SCTR: variants seen among roughly 807,000 people sequenced by gnomAD.
SCTR encodes pancreatic secretin receptor.
A neutral mutation model predicts 60.8 loss-of-function variants in SCTR; 56 were observed. That is an observed-to-expected ratio of 0.92 (90% CI 0.74 to 1.15). The LOEUF is 1.15. SCTR is among the 50% of genes most tolerant of loss of function. The pLI, the probability that SCTR is intolerant of heterozygous loss-of-function variation, is 0.00. For synonymous variants in SCTR, 202 were observed against 217.0 expected (o/e 0.93, Z 0.61); for missense variants, 562 against 550.4 (o/e 1.02, Z -0.21).
At chr2:119,489,058 A>G (rs1678011931) in intron 2 of SCTR, among the ~76,000 whole-genome samples, 1 of 152,162 alleles carries the variant, frequency 6.6e-6, no homozygotes, top group South Asian at 2.1e-4. Flanking sequence ...CTGGGTGCCC[A>G]GAGGGGAGCA....
rs1301862156 is a variant in SCTR at position 119,446,880 on chromosome 2, A to C, written c.1019T>G (p.Leu340Arg). The C allele has an allele frequency of 3.9e-6, 6 of 1,530,976 alleles. No homozygotes were observed. The African/African-American group carries it at 5.6e-5, about 14-fold the overall frequency. The allele number at this position is 1,530,976 out of a possible 1,614,324, so 94.8% of individuals were successfully genotyped here. ...RGNEVSHYKR[L>R]ARSTLLLIPL... ...GATCAGCAGGAGAGTGGACCTGGCC[A>C]GGCGCCTGGGGACACAGAAAGCCTG... Residue 340 changes from leucine (L) to arginine (R), a missense_variant, in exon 11 of 13, where the codon CTG becomes CGG. Transcript: ENST00000019103.
At chr2:119,514,390 A>G (rs1679048417) in intron 1 of SCTR, among the ~76,000 whole-genome samples, 2 of 152,242 alleles carry the variant, frequency 1.3e-5, no homozygotes, top group African/African-American at 4.8e-5. Context: ...CTTGGAGGCT[A>G]TGGAGCATCC....
intron 1 of SCTR, among the ~76,000 whole-genome samples, chr2:119,504,436 C>G (rs1183398500): frequency 1.3e-5 from 2 of 151,740 alleles, no homozygotes; most frequent in East Asian, 3.9e-4. Flanking sequence ...ACTAAAAACA[C>G]AAAAATTAGC....
At chr2:119,515,897 G>T (rs1003159452) in intron 1 of SCTR, among the ~76,000 whole-genome samples, 5 of 152,178 alleles carry the variant, frequency 3.3e-5, no homozygotes, top group African/African-American at 1.2e-4. Context: ...CTCAAAAACT[G>T]CATGGATGAC....
intron 11 of SCTR, among the ~76,000 whole-genome samples, chr2:119,442,753 C>T (rs551843520): frequency 1.3e-5 from 2 of 152,252 alleles, no homozygotes; most frequent in South Asian, 2.1e-4. Context: ...ATCCAGGTTG[C>T]ACTCCCCAGA....
intron 2 of SCTR, among the ~76,000 whole-genome samples, chr2:119,489,717 G>T (rs1027753233): frequency 3.3e-5 from 5 of 152,192 alleles, no homozygotes; most frequent in Admixed American, 2.6e-4. Context: ...ATGTGCAAAG[G>T]TTGGAGGCAG....
rs892666334 is a variant in SCTR, at chr2:119,510,525, C to T, written c.72+13630G>A. ...AAGCCCTTTTGCTATCTACATCAAC[C>T]TAGAGAAGAGGGGGAGAGGCTGACA... On this transcript the variant is annotated intron_variant, in intron 1 of 12. Coordinates refer to ENST00000019103, the MANE Select transcript of SCTR (RefSeq NM_002980.3). Among the ~76,000 whole-genome samples the T allele has an allele frequency of 5.3e-5, 8 of 152,098 alleles. No homozygotes were observed. The East Asian group carries it at 1.4e-3, about 26-fold the overall frequency.
chr2:119,511,325 A>G (rs1330460073), intron 1 of SCTR, among the ~76,000 whole-genome samples: 2 of 152,176 alleles, frequency 1.3e-5, no homozygotes, highest in African/African-American at 4.8e-5. Flanking sequence ...ATCTCCCTAC[A>G]TATACTTCTC....
At chr2:119,505,018 A>T (rs1175993901) in intron 1 of SCTR, among the ~76,000 whole-genome samples, 1 of 152,164 alleles carries the variant, frequency 6.6e-6, no homozygotes, top group Non-Finnish European at 1.5e-5. Flanking sequence ...ATCATTAAAA[A>T]GTCAGGAAAC....
chr2:119,498,385 A>G lies in SCTR; in HGVS notation c.73-3837T>C, dbSNP rs150558879. ...AATGGCTAAAAGAACTTCTCTAAAT[A>G]TAAAGAAAAAGTTAAAGAAGGAAAA... On this transcript the variant is annotated intron_variant, in intron 1 of 12. Transcript: ENST00000019103. 5.1e-3 allele frequency among the ~76,000 whole-genome samples: 781 copies of G among 152,274 alleles called. 5 individuals are homozygous for G. Among genetic ancestry groups the G allele is most frequent in the Non-Finnish European group, 7.9e-3 (534 of 67,968 alleles).
At position 119,523,158 on chromosome 2, in the gene SCTR, G is replaced by A. The variant is rs547029555; in HGVS notation, c.72+997C>T. ...CAGAGACTCAGTTGGGTCCCCAAGC[G>A]CGTTCCCTGGGGAGCTTCTTGGAAG... On this transcript the variant is annotated intron_variant, in intron 1 of 12. Transcript: ENST00000019103. 4.6e-5 allele frequency among the ~76,000 whole-genome samples: 7 copies of A among 152,168 alleles called. No homozygotes were observed. In the South Asian group the frequency reaches 1.5e-3, roughly 32 times the overall value.
chr2:119,522,106 C>A (rs1358531095), intron 1 of SCTR, among the ~76,000 whole-genome samples: 1 of 152,086 alleles, frequency 6.6e-6, no homozygotes, highest in Non-Finnish European at 1.5e-5. Context: ...ACCAGCCTGA[C>A]CAACATGGAG....
At chr2:119,507,973 C>A (rs917704288) in intron 1 of SCTR, among the ~76,000 whole-genome samples, 1 of 152,150 alleles carries the variant, frequency 6.6e-6, no homozygotes, top group Non-Finnish European at 1.5e-5. Context: ...CCACCCGTCT[C>A]TTTTGGCAGA....
At chr2:119,509,952 G>T (rs1311627097) in intron 1 of SCTR, among the ~76,000 whole-genome samples, 1 of 151,774 alleles carries the variant, frequency 6.6e-6, no homozygotes, top group Non-Finnish European at 1.5e-5. Context: ...ACATTTTCAG[G>T]GTTAATCTAT....
At chr2:119,510,352 G>A (rs557983042) in intron 1 of SCTR, among the ~76,000 whole-genome samples, 3 of 152,182 alleles carry the variant, frequency 2.0e-5, no homozygotes, top group Non-Finnish European at 4.4e-5. Context: ...TGTGAGACAG[G>A]AATGTCATTC....
intron 1 of SCTR, among the ~76,000 whole-genome samples, chr2:119,506,364 G>A (rs187873036): frequency 4.6e-5 from 7 of 152,262 alleles, no homozygotes; most frequent in Admixed American, 3.9e-4. Context: ...CAACCTAGAC[G>A]AATCGCCAGA....
At chr2:119,468,369 G>T (rs1240537363) in intron 4 of SCTR, among the ~76,000 whole-genome samples, 1 of 152,202 alleles carries the variant, frequency 6.6e-6, no homozygotes, top group Non-Finnish European at 1.5e-5. Flanking sequence ...AAGAACACAG[G>T]CTTCAGAGCC....
intron 1 of SCTR, among the ~76,000 whole-genome samples, chr2:119,523,241 C>T (rs1459038692): frequency 1.3e-5 from 2 of 151,622 alleles, no homozygotes; most frequent in East Asian, 3.9e-4. Context: ...TGGAATCTGG[C>T]CCCCACCTCT....
At chr2:119,449,592 G>A (rs951489755) in intron 9 of SCTR, among the ~76,000 whole-genome samples, 1 of 152,150 alleles carries the variant, frequency 6.6e-6, no homozygotes, top group South Asian at 2.1e-4. Flanking sequence ...AGTGCCCAGT[G>A]CCAACAACAT....
Sources: allele counts gnomAD v4.1 joint callset (sites outside exome capture counted in the v4.1 genomes callset), GRCh38; gene constraint gnomAD v4.1.1; transcripts MANE v1.5; gene names NCBI Gene and HGNC (gene_info 2026-07-23, HGNC 2026-07-21).